MSANTD3: variants seen among roughly 807,000 people sequenced by gnomAD.
MSANTD3 encodes the protein myb/SANT-like DNA-binding domain-containing protein 3.
Under a neutral mutation model 27.7 loss-of-function variants are expected in MSANTD3, and 11 were observed. That is an observed-to-expected ratio of 0.40 (90% CI 0.25 to 0.66). MSANTD3 has a LOEUF of 0.66. Among genes scored for constraint, MSANTD3 ranks in the 30% least tolerant of loss-of-function variants. The probability of loss-of-function intolerance (pLI) is 0.41; values close to 1 mark genes in which losing one functional copy is unlikely to be tolerated. For missense variants in MSANTD3, 250 were observed against 336.5 expected, an observed-to-expected ratio of 0.74 and a Z score of 2.01; for synonymous variants, 131 against 127.2, an observed-to-expected ratio of 1.03 and a Z score of -0.20.
intron 1 of MSANTD3, among the ~76,000 whole-genome samples, chr9:100,440,853 G>T (rs1369136625): frequency 1.5e-5 from 2 of 135,804 alleles, no homozygotes; most frequent in Non-Finnish European, 3.0e-5. Context: ...TCGAACTCCT[G>T]GGCTCAAGCA....
intron 1 of MSANTD3, among the ~76,000 whole-genome samples, chr9:100,428,989 TCAC>T (rs1280996881): frequency 6.6e-6 from 1 of 152,116 alleles, no homozygotes; most frequent in Non-Finnish European, 1.5e-5. Context: ...GCTGAGGACT[TCAC>T]CCCACCATCT....
chr9:100,440,161 T>C (rs966003358), intron 1 of MSANTD3, among the ~76,000 whole-genome samples: 2 of 152,186 alleles, frequency 1.3e-5, no homozygotes, highest in South Asian at 2.1e-4. Flanking sequence ...TGAAACATGC[T>C]GACCCGGCAC....
intron 1 of MSANTD3, among the ~76,000 whole-genome samples, chr9:100,435,100 G>A (rs556977108): frequency 5.3e-5 from 8 of 152,264 alleles, no homozygotes; most frequent in Admixed American, 2.0e-4. Context: ...CTTTATTCAC[G>A]TTGCAGGACT....
At chr9:100,435,306 G>A (rs1439194171) in intron 1 of MSANTD3, among the ~76,000 whole-genome samples, 1 of 152,118 alleles carries the variant, frequency 6.6e-6, no homozygotes, top group African/African-American at 2.4e-5. Context: ...GTCTATTAAT[G>A]TCCTGAAGTC....
intron 1 of MSANTD3, among the ~76,000 whole-genome samples, chr9:100,430,835 A>G (rs1375722139): frequency 6.6e-6 from 1 of 152,064 alleles, no homozygotes; most frequent in Non-Finnish European, 1.5e-5. Flanking sequence ...TATGGGGAAT[A>G]ATTAGTTTGG....
intron 2 of MSANTD3, among the ~76,000 whole-genome samples, chr9:100,446,127 T>G (rs985479805): frequency 3.3e-5 from 5 of 152,200 alleles, no homozygotes; most frequent in African/African-American, 1.2e-4. Flanking sequence ...AACTAAGCTT[T>G]AGTGTAGCAC....
intron 2 of MSANTD3, chr9:100,445,146 A>C (rs151123397): frequency 6.3e-5 from 95 of 1,511,688 alleles, no homozygotes; most frequent in Middle Eastern, 3.4e-4. Flanking sequence ...CTTTGAGTTC[A>C]TTTCACTCAT....
chr9:100,437,588 C>T (rs185500856), intron 1 of MSANTD3, among the ~76,000 whole-genome samples: 25 of 152,288 alleles, frequency 1.6e-4, no homozygotes, highest in Admixed American at 1.3e-3. Flanking sequence ...CCCTTTATAG[C>T]CAGGCAGAAT....
At chr9:100,434,957 TACACACACACCATAC>T (rs1343678715) in intron 1 of MSANTD3, among the ~76,000 whole-genome samples, 2 of 149,778 alleles carry the variant, frequency 1.3e-5, no homozygotes, top group Non-Finnish European at 3.0e-5. Flanking sequence ...TTGTTATATA[TACACACACACCATAC>T]ACACACACAC....
chr9:100,431,809 C>T (rs747408204), intron 1 of MSANTD3, among the ~76,000 whole-genome samples: 5 of 151,960 alleles, frequency 3.3e-5, no homozygotes, highest in South Asian at 2.1e-4. Flanking sequence ...ATTTGAGAGC[C>T]GATGGTTGTA....
chr9:100,441,630 ACTC>A (rs1836623757), intron 1 of MSANTD3, among the ~76,000 whole-genome samples: 1 of 151,330 alleles, frequency 6.6e-6, no homozygotes, highest in African/African-American at 2.4e-5. Flanking sequence ...CAAGAGCGAG[ACTC>A]CGTTTCAAAA....
chr9:100,443,778 T>G lies in MSANTD3; in HGVS notation c.418+1422T>G, dbSNP rs143791940. On this transcript the variant is annotated intron_variant, in intron 2 of 2. Coordinates refer to ENST00000395067, the MANE Select transcript of MSANTD3 (RefSeq NM_080655.3). ...AGATAAATTTCCAGAAATTCCTGCT[T>G]CTTTTCAGACAGGAAGTGGCCAGTT... Among the ~76,000 whole-genome samples the G allele has an allele frequency of 1.4e-3, 218 of 152,332 alleles. 1 individual carries two copies. The highest frequency in any genetic ancestry group is 4.9e-3 in the African/African-American group (204 of 41,574).
intron 2 of MSANTD3, among the ~76,000 whole-genome samples, chr9:100,443,654 A>G (rs1836684381): frequency 1.3e-5 from 2 of 152,204 alleles, no homozygotes; most frequent in South Asian, 4.1e-4. Context: ...ACACTGTCAT[A>G]TAATGAAGGA....
intron 1 of MSANTD3, among the ~76,000 whole-genome samples, chr9:100,440,033 G>A (rs2118216005): frequency 6.6e-6 from 1 of 152,260 alleles, no homozygotes; most frequent in African/African-American, 2.4e-5. Flanking sequence ...TATTTGAGAG[G>A]TTAATTTTAT....
intron 1 of MSANTD3, among the ~76,000 whole-genome samples, chr9:100,435,961 G>A (rs1836469617): frequency 6.6e-6 from 1 of 152,196 alleles, no homozygotes; most frequent in Non-Finnish European, 1.5e-5. Context: ...CAGTATTCTG[G>A]TGGTTTAGTC....
At chr9:100,439,058 G>A (rs539006683) in intron 1 of MSANTD3, among the ~76,000 whole-genome samples, 2 of 152,312 alleles carry the variant, frequency 1.3e-5, no homozygotes, top group Non-Finnish European at 2.9e-5. Flanking sequence ...TATGAATGTA[G>A]AGCAGGGTAC....
intron 1 of MSANTD3, among the ~76,000 whole-genome samples, chr9:100,429,212 C>T (rs1051434491): frequency 1.5e-4 from 23 of 152,058 alleles, no homozygotes; most frequent in Admixed American, 1.1e-3. Context: ...GGGTACGTAG[C>T]GATGGTGAAG....
At position 100,450,667 on chromosome 9, in the gene MSANTD3, A is replaced by G. The variant is rs1836863915; in HGVS notation, c.529A>G (p.Ile177Val). 6.2e-7 allele frequency: 1 copy of G among 1,614,190 alleles called. No homozygotes were observed. The highest frequency in any genetic ancestry group is 8.5e-7 in the Non-Finnish European group (1 of 1,180,022). ...TGAACCCTCGTGTTCAGCTGTCAGA[A>G]TAACAGCCAATAAAAACTACAGGAG... The part of the protein sequence containing the change: ...QPEPSCSAVR[I>V]TANKNYRSKT... The change falls in exon 3 of 3, where the codon ATA becomes GTA. Residue 177 changes from isoleucine to valine, a missense_variant. Physicochemically the swap from Ile to Val is conservative, Grantham distance 29 (BLOSUM62 3). Around this residue, in one of 3 missense-constraint regions of MSANTD3, gnomAD observed 235 missense variants for 299.3 expected, o/e 0.79. Transcript: ENST00000395067.
At chr9:100,438,373 G>C (rs1476535710) in intron 1 of MSANTD3, among the ~76,000 whole-genome samples, 1 of 152,156 alleles carries the variant, frequency 6.6e-6, no homozygotes, top group Non-Finnish European at 1.5e-5. Context: ...TGGTGGAGAA[G>C]TCCTAGGAAT....
Sources: gnomAD v4.1 joint callset for allele counts (sites outside exome capture counted in the v4.1 genomes callset) on GRCh38, gnomAD v4.1.1 for gene constraint, gnomAD v4.1.1 regional missense constraint, MANE v1.5 for transcripts, NCBI Gene and HGNC (gene_info 2026-07-23, HGNC 2026-07-21) for gene names.